The following PSMA6 variants were observed in gnomAD, a reference collection of about 807,000 sequenced individuals.
The protein encoded by PSMA6 is proteasome 20S subunit alpha 6.
For synonymous variants in PSMA6, 88 were observed against 97.7 expected, an observed-to-expected ratio of 0.90 and a Z score of 0.59; for missense variants, 170 against 294.8, an observed-to-expected ratio of 0.58 and a Z score of 3.10.
At chr14:35,313,220 G>A (rs2051978211) in intron 5 of PSMA6, 161 bp downstream of exon 5, 4 of 649,080 alleles carry the variant, frequency 6.2e-6, no homozygotes, top group East Asian at 6.9e-5. Flanking sequence ...GAAAATTTGA[G>A]TTGCTTTTAT....
chr14:35,309,329 G>A (rs182234242), intron 3 of PSMA6, among the ~76,000 whole-genome samples: 15 of 152,250 alleles, frequency 9.9e-5, no homozygotes, highest in African/African-American at 2.9e-4. Flanking sequence ...TAATGGCATC[G>A]GTTAGAAGTG....
intron 4 of PSMA6, 36 bp downstream of exon 4, chr14:35,310,931 A>T (rs2051932419): frequency 6.3e-7 from 1 of 1,585,966 alleles, no homozygotes; most frequent in Non-Finnish European, 8.6e-7. Flanking sequence ...ATAATTGATG[A>T]ATTGAAACTT....
chr14:35,315,918 T>C (rs1376505449), intron 6 of PSMA6: 1 of 152,162 alleles, frequency 6.6e-6, no homozygotes, highest in East Asian at 1.9e-4. Context: ...ATGTAAATAA[T>C]TACAGTACAT....
intron 1 of PSMA6, among the ~76,000 whole-genome samples, chr14:35,295,532 A>C (rs946171589): frequency 6.6e-5 from 10 of 151,470 alleles, no homozygotes; most frequent in African/African-American, 1.9e-4. Context: ...AGCTCACTGA[A>C]ACCTCCACCT....
chr14:35,282,718 G>A (rs1020532634), intron 1 of PSMA6, among the ~76,000 whole-genome samples: 4 of 151,962 alleles, frequency 2.6e-5, no homozygotes, highest in African/African-American at 7.2e-5. Flanking sequence ...AGCTGGGCAC[G>A]GTGGCATGTG....
At chr14:35,307,560 C>T (rs2051853037) in intron 1 of PSMA6, among the ~76,000 whole-genome samples, 1 of 152,034 alleles carries the variant, frequency 6.6e-6, no homozygotes, top group South Asian at 2.1e-4. Flanking sequence ...ACAGCGAAAC[C>T]CCGTCTCTAG....
chr14:35,313,489 TAAC>T (rs2051983399), intron 5 of PSMA6: 1 of 154,158 alleles, frequency 6.5e-6, no homozygotes, highest in African/African-American at 2.4e-5. Flanking sequence ...CTGAAGATGC[TAAC>T]AACATGCTTC....
intron 1 of PSMA6, 104 bp downstream of exon 1, chr14:35,292,656 G>A (rs1446254727): frequency 1.3e-6 from 2 of 1,534,690 alleles, no homozygotes; most frequent in Non-Finnish European, 1.8e-6. Context: ...CCGAAGCTGG[G>A]CTGGAGCTGG....
intron 1 of PSMA6, among the ~76,000 whole-genome samples, chr14:35,287,030 T>TA (rs2051427726): frequency 6.6e-6 from 1 of 152,118 alleles, no homozygotes; most frequent in South Asian, 2.1e-4. Flanking sequence ...ACCCATAAAT[T>TA]ATAGAACTAG....
chr14:35,300,205 A>G (rs1016393518), intron 1 of PSMA6, among the ~76,000 whole-genome samples: 3 of 152,168 alleles, frequency 2.0e-5, no homozygotes, highest in Non-Finnish European at 2.9e-5. Context: ...CTGATGGTTC[A>G]CACCTGGAAT....
intron 1 of PSMA6, among the ~76,000 whole-genome samples, chr14:35,306,945 G>A (rs1355648050): frequency 2.0e-5 from 3 of 151,652 alleles, no homozygotes; most frequent in East Asian, 3.9e-4. Context: ...TCAGGAGTTC[G>A]GCACCAGCCT....
At chr14:35,305,978 C>T (rs1488775844) in intron 1 of PSMA6, among the ~76,000 whole-genome samples, 1 of 152,018 alleles carries the variant, frequency 6.6e-6, no homozygotes, top group Non-Finnish European at 1.5e-5. Flanking sequence ...GTAATCCCAT[C>T]ACTTTGGGAG....
intron 1 of PSMA6, among the ~76,000 whole-genome samples, chr14:35,304,822 C>A (rs1386995637): frequency 6.6e-6 from 1 of 152,050 alleles, no homozygotes; most frequent in Non-Finnish European, 1.5e-5. Flanking sequence ...CTCATACCTG[C>A]TGTAATCCCA....
chr14:35,300,738 G>T (rs367618098), intron 1 of PSMA6, among the ~76,000 whole-genome samples: 36 of 152,096 alleles, frequency 2.4e-4, no homozygotes, highest in African/African-American at 8.7e-4. Context: ...CCTTTCCCAC[G>T]CACTTTCCCC....
chr14:35,297,280 A>G (rs1594380981), intron 1 of PSMA6, among the ~76,000 whole-genome samples: 1 of 151,596 alleles, frequency 6.6e-6, no homozygotes, highest in African/African-American at 2.4e-5. Flanking sequence ...CAGTGTTGCA[A>G]TCTCTGCTCA....
chr14:35,307,476 G>A (rs1339965580), intron 1 of PSMA6, among the ~76,000 whole-genome samples: 2 of 152,182 alleles, frequency 1.3e-5, no homozygotes, highest in African/African-American at 4.8e-5. Context: ...GCTCACACCT[G>A]TAATCCCTGC....
rs960416152 is a variant in PSMA6, at chr14:35,296,299, A to G, written c.76+3747A>G. ...TAAAACATTGCCCGGTATATATAGTAAGCACTCAATGTTTTCTGGGTGTTT... is the reference window on the plus strand; with the variant it reads ...TAAAACATTGCCCGGTATATATAGTGAGCACTCAATGTTTTCTGGGTGTTT... On this transcript the variant is annotated intron_variant, in intron 1 of 6. Transcript: ENST00000261479. 3.9e-5 allele frequency among the ~76,000 whole-genome samples: 6 copies of G among 151,906 alleles called. No homozygotes were observed. The East Asian group carries it at 1.2e-3, about 29-fold the overall frequency.
At chr14:35,309,953 C>A (rs150343955) in intron 3 of PSMA6, among the ~76,000 whole-genome samples, 1 of 151,718 alleles carries the variant, frequency 6.6e-6, no homozygotes, top group African/African-American at 2.4e-5. Flanking sequence ...GCCTGGGCAA[C>A]GGAGCAAGAC....
Position 35,310,864 on chromosome 14 carries a change from A to T in PSMA6, c.378A>T (p.Thr126=), listed in dbSNP as rs752288203. 6.2e-7 allele frequency: 1 copy of T among 1,613,800 alleles called. No homozygotes were observed. Among genetic ancestry groups the T allele is most frequent in the Non-Finnish European group, 8.5e-7 (1 of 1,179,928 alleles). ...KRIADISQVY[T]QNAEMRPLGC... is the part of the protein sequence containing the mutation. ...TTGCCGATATTTCTCAGGTCTACAC[A>T]CAGAATGCTGAAATGAGGCCTCTTG... Residue 126 remains threonine, a synonymous_variant, in exon 4 of 7, where the codon ACA becomes ACT. Transcript: ENST00000261479.
Sources: gnomAD v4.1 joint callset for allele counts (sites outside exome capture counted in the v4.1 genomes callset) on GRCh38, gnomAD v4.1.1 for gene constraint, MANE v1.5 for transcripts, NCBI Gene and HGNC (gene_info 2026-07-23, HGNC 2026-07-21) for gene names.